The following ZNF385D variants were observed in gnomAD, a reference collection of about 807,000 sequenced individuals.
ZNF385D encodes the protein zinc finger protein 385D, also known as zinc finger protein 659.
A neutral mutation model predicts 35.8 loss-of-function variants in ZNF385D; 15 were observed. The observed-to-expected ratio is 0.42, with a 90% CI of 0.28 to 0.64. The LOEUF is 0.64. Among genes scored for constraint, ZNF385D ranks in the 30% least tolerant of loss-of-function variants. The pLI is 0.23. For missense variants in ZNF385D, 474 were observed against 494.6 expected (o/e 0.96, Z 0.39); for synonymous variants, 212 against 186.8 (o/e 1.13, Z -1.10).
intron 3 of ZNF385D, among the ~76,000 whole-genome samples, chr3:21,833,622 T>C (rs1249801051): frequency 6.6e-6 from 1 of 152,196 alleles, no homozygotes; most frequent in Non-Finnish European, 1.5e-5. Context: ...TAAATTTCTG[T>C]TGTTTTAAGA....
At chr3:21,932,040 A>T (rs533435914) in intron 3 of ZNF385D, among the ~76,000 whole-genome samples, 1 of 151,608 alleles carries the variant, frequency 6.6e-6, no homozygotes, top group African/African-American at 2.4e-5. Flanking sequence ...GGTGGCGGGC[A>T]CCTGTGGTCC....
chr3:22,247,452 T>C (rs1455842209), intron 2 of ZNF385D, among the ~76,000 whole-genome samples: 7 of 152,008 alleles, frequency 4.6e-5, no homozygotes, highest in Admixed American at 1.3e-4. Context: ...AATTATGCCA[T>C]GAAAATTATG....
intron 1 of ZNF385D, among the ~76,000 whole-genome samples, chr3:21,739,952 C>T (rs951351159): frequency 2.0e-5 from 3 of 152,128 alleles, no homozygotes; most frequent in Admixed American, 6.5e-5. Context: ...GATTAAGAAA[C>T]GGAGGCTCAA....
intron 2 of ZNF385D, among the ~76,000 whole-genome samples, chr3:21,640,343 T>G (rs62237385): frequency 1.3e-5 from 2 of 152,008 alleles, no homozygotes; most frequent in Admixed American, 1.3e-4. Context: ...AACCATGTTC[T>G]TAAGGTCTAT....
At chr3:21,738,723 C>T (rs962495596) in intron 1 of ZNF385D, among the ~76,000 whole-genome samples, 1 of 151,972 alleles carries the variant, frequency 6.6e-6, no homozygotes, top group East Asian at 1.9e-4. Context: ...ATGTTTAATC[C>T]CCTTTCAGAA....
chr3:22,099,703 C>T (rs1000797642), intron 3 of ZNF385D, among the ~76,000 whole-genome samples: 10 of 151,810 alleles, frequency 6.6e-5, no homozygotes, highest in South Asian at 4.2e-4. Flanking sequence ...TGAAGCATGG[C>T]GGGGATACCA....
At chr3:22,187,609 G>A (rs1341435195) in intron 2 of ZNF385D, among the ~76,000 whole-genome samples, 1 of 152,074 alleles carries the variant, frequency 6.6e-6, no homozygotes, top group African/African-American at 2.4e-5. Context: ...AAGTTCTCAT[G>A]AGGAATACTT....
intron 3 of ZNF385D, among the ~76,000 whole-genome samples, chr3:21,983,545 T>C (rs1395196746): frequency 6.8e-6 from 1 of 146,774 alleles, no homozygotes; most frequent in Non-Finnish European, 1.5e-5. Flanking sequence ...GTGCCACATT[T>C]TCTTCATGCA....
At chr3:21,993,411 C>T (rs1164762503) in intron 3 of ZNF385D, among the ~76,000 whole-genome samples, 1 of 152,128 alleles carries the variant, frequency 6.6e-6, no homozygotes, top group African/African-American at 2.4e-5. Flanking sequence ...TCTCTGGTCT[C>T]TCCTAAATAA....
At chr3:21,570,892 A>T (rs185833880) in intron 2 of ZNF385D, among the ~76,000 whole-genome samples, 7 of 152,296 alleles carry the variant, frequency 4.6e-5, no homozygotes, top group African/African-American at 1.7e-4. Flanking sequence ...ATTGACTTTG[A>T]CTTAGTAAAA....
At chr3:21,995,089 T>G (rs1009805354) in intron 3 of ZNF385D, among the ~76,000 whole-genome samples, 1 of 152,220 alleles carries the variant, frequency 6.6e-6, no homozygotes, top group Non-Finnish European at 1.5e-5. Context: ...GTCAGGCCCC[T>G]GGGCAGTGTG....
chr3:21,762,675 T>C (rs2070670401), intron 3 of ZNF385D, among the ~76,000 whole-genome samples: 1 of 152,220 alleles, frequency 6.6e-6, no homozygotes, highest in Admixed American at 6.5e-5. Flanking sequence ...ACAGACATGT[T>C]GCTAAGGTGC....
At chr3:21,814,073 C>T (rs1265183652) in intron 3 of ZNF385D, among the ~76,000 whole-genome samples, 1 of 152,128 alleles carries the variant, frequency 6.6e-6, no homozygotes, top group Non-Finnish European at 1.5e-5. Flanking sequence ...GAATTTTCAA[C>T]CCAGAATTTC....
At chr3:22,072,872 T>C (rs17010719) in intron 3 of ZNF385D, among the ~76,000 whole-genome samples, 9,698 of 152,080 alleles carry the variant, frequency 0.064, 435 homozygotes, top group African/African-American at 0.13. Flanking sequence ...TCCCTGAGCT[T>C]GTGCTGTTTG....
chr3:21,670,066 A>C (rs1341298372), intron 1 of ZNF385D, among the ~76,000 whole-genome samples: 1 of 152,132 alleles, frequency 6.6e-6, no homozygotes, highest in African/African-American at 2.4e-5. Context: ...ACAAAACTGA[A>C]GTTCAAAATG....
At chr3:22,262,163 A>C (rs1700665866) in intron 2 of ZNF385D, among the ~76,000 whole-genome samples, 2 of 151,954 alleles carry the variant, frequency 1.3e-5, no homozygotes, top group Non-Finnish European at 2.9e-5. Flanking sequence ...CTAGAGATTT[A>C]CTAAAGACAG....
intron 3 of ZNF385D, among the ~76,000 whole-genome samples, chr3:22,112,589 C>G (rs962890934): frequency 6.6e-6 from 1 of 151,958 alleles, no homozygotes; most frequent in Non-Finnish European, 1.5e-5. Flanking sequence ...AGTGTTATGA[C>G]TTAGTATAAA....
At chr3:21,927,545 G>C (rs988472948) in intron 3 of ZNF385D, among the ~76,000 whole-genome samples, 1 of 152,164 alleles carries the variant, frequency 6.6e-6, no homozygotes, top group Admixed American at 6.5e-5. Flanking sequence ...AACAAAAAGA[G>C]ATTGCTGGGC....
intron 3 of ZNF385D, among the ~76,000 whole-genome samples, chr3:21,545,089 G>A (rs12107756): frequency 0.15 from 23,430 of 152,170 alleles, 1,949 homozygotes; most frequent in Admixed American, 0.24. Context: ...CATAATGAAG[G>A]TTGTTAAGTT....
Sources: allele counts gnomAD v4.1 joint callset (sites outside exome capture counted in the v4.1 genomes callset), GRCh38; gene constraint gnomAD v4.1.1; transcripts MANE v1.5; gene names NCBI Gene and HGNC (gene_info 2026-07-23, HGNC 2026-07-21).